KLHL12: variants seen among roughly 807,000 people sequenced by gnomAD.
KLHL12 encodes kelch-like protein 12.
Under a neutral mutation model 60.8 loss-of-function variants are expected in KLHL12, and 17 were observed. The observed-to-expected ratio is 0.28, with a 90% CI of 0.19 to 0.42. The LOEUF is 0.42. Among genes scored for constraint, KLHL12 ranks in the 10% least tolerant of loss-of-function variants. KLHL12 has a pLI of 1.00. For synonymous variants in KLHL12, 220 were observed against 250.9 expected (o/e 0.88, Z 1.16); for missense variants, 468 against 722.3 (o/e 0.65, Z 4.04).
chr1:202,910,913 C>T (rs954800955), intron 5 of KLHL12, 141 bp downstream of exon 5: 2 of 881,416 alleles, frequency 2.3e-6, no homozygotes, highest in African/African-American at 3.4e-5. Context: ...TTGGGGACTA[C>T]CCAGCACCAC....
intron 6 of KLHL12, among the ~76,000 whole-genome samples, chr1:202,906,710 G>A (rs927914793): frequency 6.6e-6 from 1 of 152,028 alleles, no homozygotes; most frequent in African/African-American, 2.4e-5. Context: ...CGCCCAGGCT[G>A]GAGTACAATG....
At chr1:202,922,553 C>T (rs1660728403) in intron 2 of KLHL12, among the ~76,000 whole-genome samples, 1 of 150,654 alleles carries the variant, frequency 6.6e-6, no homozygotes, top group Non-Finnish European at 1.5e-5. Context: ...GTGGCGTGAT[C>T]TGGGCTCACT....
chr1:202,925,781 G>A (rs1459167237), intron 1 of KLHL12, among the ~76,000 whole-genome samples: 1 of 152,078 alleles, frequency 6.6e-6, no homozygotes, highest in African/African-American at 2.4e-5. Flanking sequence ...TATGTCTGAT[G>A]ACTTCCAAAC....
At chr1:202,896,672 T>C (rs1659844480) in intron 7 of KLHL12, among the ~76,000 whole-genome samples, 182 bp downstream of exon 7, 1 of 152,216 alleles carries the variant, frequency 6.6e-6, no homozygotes, top group South Asian at 2.1e-4. Flanking sequence ...TTCTAAGGCA[T>C]AATCTTCTAA....
At chr1:202,914,323 T>C (rs896811973) in intron 4 of KLHL12, among the ~76,000 whole-genome samples, 3 of 152,184 alleles carry the variant, frequency 2.0e-5, no homozygotes, top group African/African-American at 4.8e-5. Flanking sequence ...TACTGGACTA[T>C]AGTTGTGGCA....
intron 2 of KLHL12, among the ~76,000 whole-genome samples, chr1:202,924,029 C>G (rs1653377517): frequency 1.3e-5 from 2 of 152,154 alleles, no homozygotes; most frequent in Non-Finnish European, 2.9e-5. Flanking sequence ...TTATTTAAAT[C>G]TGCTCTTAAA....
At position 202,918,258 on chromosome 1, in the gene KLHL12, C is replaced by T. The variant is rs1298067300; in HGVS notation, c.480G>A (p.Lys160=). Residue 160 remains lysine, a synonymous_variant, in exon 4 of 12, where the codon AAG becomes AAA. Transcript: ENST00000367261. The part of the protein sequence containing the change: ...LMQAAEVFSQ[K]HFPEVVQHEE... ...CATGCTGTACCACTTCAGGAAAATG[C>T]TTCTGGCTAAAAACCTCAGCTGCTT... 15 of 1,614,178 alleles carry T rather than the reference C, an allele frequency of 9.3e-6. No individual in the cohort carries two copies. The highest frequency in any genetic ancestry group is 1.3e-5 in the Non-Finnish European group (15 of 1,180,026).
At chr1:202,899,210 G>A (rs953772041) in intron 6 of KLHL12, among the ~76,000 whole-genome samples, 1 of 152,002 alleles carries the variant, frequency 6.6e-6, no homozygotes, top group Non-Finnish European at 1.5e-5. Context: ...CTACTCGGGT[G>A]GCTCAGGCAT....
At chr1:202,919,929 A>G in intron 2 of KLHL12, 21 bp from the exon 3 acceptor site, 1 of 1,604,396 alleles carries the variant, frequency 6.2e-7, no homozygotes, top group Non-Finnish European at 8.5e-7. Context: ...AAAAGGTATA[A>G]AAGAATGATG....
At chr1:202,919,329 T>C (rs1197091223) in intron 3 of KLHL12, among the ~76,000 whole-genome samples, 1 of 152,176 alleles carries the variant, frequency 6.6e-6, no homozygotes, top group African/African-American at 2.4e-5. Flanking sequence ...TATCATACTT[T>C]AATATTTTGT....
chr1:202,895,711 T>G lies in KLHL12; in HGVS notation c.946A>C (p.Thr316Pro), dbSNP rs778869552. Residue 316 changes from threonine to proline, a missense_variant, in exon 8 of 12, where the codon ACT becomes CCT. Coordinates refer to ENST00000367261, the MANE Select transcript of KLHL12 (RefSeq NM_021633.4). The surrounding 1 kb of genome is among the most constrained non-coding windows in gnomAD (Gnocchi z 4.2). ...GAGGCCACATAACGTCTCTTACGAG[T>G]GATGCTCTATGGATTTGGAGAGAAG... ...TQEWSFLPSI[T>P]RKRRYVASVS... 3.7e-6 allele frequency: 6 copies of G among 1,613,550 alleles called. No individual in the cohort carries two copies. In the South Asian group the frequency reaches 6.6e-5, roughly 18 times the overall value.
At chr1:202,914,191 T>G (rs1356991033) in intron 4 of KLHL12, among the ~76,000 whole-genome samples, 2 of 152,204 alleles carry the variant, frequency 1.3e-5, no homozygotes, top group Non-Finnish European at 2.9e-5. Context: ...AGGCTAGTGA[T>G]ATGATCATAT....
intron 2 of KLHL12, among the ~76,000 whole-genome samples, chr1:202,924,291 ACAGC>A (rs1653412045): frequency 6.6e-6 from 1 of 152,232 alleles, no homozygotes; most frequent in South Asian, 2.1e-4. Context: ...CAACGCCTGT[ACAGC>A]TATTCATTAA....
intron 6 of KLHL12, among the ~76,000 whole-genome samples, chr1:202,904,480 C>A (rs1660122970): frequency 6.6e-6 from 1 of 151,954 alleles, no homozygotes; most frequent in Non-Finnish European, 1.5e-5. Flanking sequence ...ATGTTTTAAC[C>A]CTAAGTTGGA....
At chr1:202,908,984 C>T in intron 6 of KLHL12, 26 bp downstream of exon 6, 2 of 1,420,444 alleles carry the variant, frequency 1.4e-6, no homozygotes, top group Non-Finnish European at 2.0e-6. Context: ...AAAGCATCCC[C>T]TCATTCTGCC....
intron 6 of KLHL12, among the ~76,000 whole-genome samples, chr1:202,906,173 C>T (rs1442432394): frequency 6.8e-6 from 1 of 147,404 alleles, no homozygotes; most frequent in Non-Finnish European, 1.5e-5. Flanking sequence ...AAAGTAATGG[C>T]CAGGCGCGGT....
Position 202,925,058 on chromosome 1 carries a change from C to T in KLHL12, c.105G>A (p.Val35=), listed in dbSNP as rs746098017. The change falls in exon 2 of 12, where the codon GTG becomes GTA. Residue 35 remains valine (V), a synonymous_variant. Transcript: ENST00000367261. The stretch of plus-strand genomic sequence containing the variant: ...AGTCTTTCTGCTCTACTCTCAATGT[C>T]ACATCACAGAGGGTATTGCTCTTCC... ...SLRKSNTLCD[V]TLRVEQKDFP... 20 of 1,614,120 alleles carry T rather than the reference C, an allele frequency of 1.2e-5. 1 individual carries two copies. In the South Asian group the frequency reaches 2.2e-4, roughly 18 times the overall value.
At chr1:202,899,840 AT>A (rs754878334) in intron 6 of KLHL12, among the ~76,000 whole-genome samples, 11,956 of 144,342 alleles carry the variant, frequency 0.083, 623 homozygotes, top group Middle Eastern at 0.15. Context: ...AAAAAAAAAA[AT>A]AATAATAATA....
chr1:202,894,064 CAAG>C lies in KLHL12; in HGVS notation c.1393+117_1393+119del, dbSNP rs754095943. 25 of 595,088 alleles carry C rather than the reference CAAG, an allele frequency of 4.2e-5. No individual in the cohort carries two copies. The Admixed American group carries it at 5.6e-4, about 13-fold the overall frequency. The allele number at this position is 595,088 out of a possible 1,614,324, so 36.9% of individuals were successfully genotyped here. A position where few individuals can be genotyped will look rare whatever the true frequency, so the allele number is the denominator to read the frequency against. On this transcript the variant is annotated intron_variant, in intron 10 of 11. Transcript: ENST00000367261. ...TCCTAGTATTTAGAGAAAACAGAGA[CAAG>C]GAGGAGAGCAGAATCTCATTTTTAC...
Sources: allele counts gnomAD v4.1 joint callset (sites outside exome capture counted in the v4.1 genomes callset), GRCh38; gene constraint gnomAD v4.1.1; non-coding constraint Gnocchi (gnomAD v3.1); transcripts MANE v1.5; gene names NCBI Gene and HGNC (gene_info 2026-07-23, HGNC 2026-07-21).